TYMS: variants seen among roughly 807,000 people sequenced by gnomAD.
The protein encoded by TYMS is thymidylate synthetase, also known as thymidylate synthase.
Under a neutral mutation model 39.3 loss-of-function variants are expected in TYMS, and 21 were observed. The observed-to-expected ratio is 0.54, with a 90% confidence interval of 0.38 to 0.77. The LOEUF is 0.77. TYMS is among the 30% of genes least tolerant of loss of function. The pLI is 0.00. For synonymous variants in TYMS, 171 were observed against 162.2 expected (o/e 1.05, Z -0.41); for missense variants, 273 against 406.7 (o/e 0.67, Z 2.83).
At chr18:662,494 G>T (rs978540372) in intron 3 of TYMS, among the ~76,000 whole-genome samples, 174 bp downstream of exon 3, 1 of 140,122 alleles carries the variant, frequency 7.1e-6, no homozygotes, top group Non-Finnish European at 1.5e-5. Flanking sequence ...CATGAAGGCC[G>T]TTTCACACTC....
chr18:671,138 G>A, intron 5 of TYMS: 1 of 614,062 alleles, frequency 1.6e-6, no homozygotes. Flanking sequence ...TGGGTATGGT[G>A]GCTCATGCCT....
At chr18:672,232 C>G (rs1354993779) in intron 6 of TYMS, 2 of 152,166 alleles carry the variant, frequency 1.3e-5, no homozygotes, top group Non-Finnish European at 2.9e-5. Context: ...AGGAAAAAAA[C>G]TCAGAACCAG....
At chr18:661,329 T>C (rs1858189634) in intron 2 of TYMS, among the ~76,000 whole-genome samples, 1 of 152,242 alleles carries the variant, frequency 6.6e-6, no homozygotes, top group African/African-American at 2.4e-5. Flanking sequence ...AATGTCAGAC[T>C]CACCTTGATA....
Position 659,629 on chromosome 18 carries a change from A to G in TYMS, c.206-12A>G. On this transcript the variant is annotated splice_polypyrimidine_tract_variant and intron_variant, in intron 1 of 6. Coordinates refer to ENST00000323274, the MANE Select transcript of TYMS (RefSeq NM_001071.4). ...TTCCCATCTTGAAACCGTATGGCAA[A>G]TTGTTTTTCAGATGAATTCCCTCTG... 6.2e-7 allele frequency: 1 copy of G among 1,613,248 alleles called. No homozygotes were observed. The highest frequency in any genetic ancestry group is 8.5e-7 in the Non-Finnish European group (1 of 1,179,216).
chr18:661,543 G>A (rs1181697091), intron 2 of TYMS, among the ~76,000 whole-genome samples: 1 of 152,208 alleles, frequency 6.6e-6, no homozygotes, highest in Non-Finnish European at 1.5e-5. Flanking sequence ...CTGTCAGATC[G>A]GTGGAATACT....
chr18:669,174 G>A lies in TYMS; in HGVS notation c.556+1G>A, dbSNP rs2144335968. On this transcript the variant is annotated splice_donor_variant, in intron 4 of 6. Coordinates refer to ENST00000323274, the MANE Select transcript of TYMS (RefSeq NM_001071.4). LOFTEE classifies it high-confidence loss of function. ...ATCATGTGCGCTTGGAATCCAAGAG[G>A]TTGAAAGAACCCCGTCGTCTTCATT... 1 of 1,613,792 alleles carries A rather than the reference G, an allele frequency of 6.2e-7. No individual in the cohort carries two copies. Among genetic ancestry groups the A allele is most frequent in the African/African-American group, 1.3e-5 (1 of 75,010 alleles).
chr18:664,245 G>A (rs2074785043), intron 3 of TYMS, among the ~76,000 whole-genome samples: 2 of 151,790 alleles, frequency 1.3e-5, no homozygotes, highest in Admixed American at 1.3e-4. Context: ...CCCTTTTAAG[G>A]TGGATTCCTA....
At chr18:668,996 A>G in intron 3 of TYMS, 76 bp from the exon 4 acceptor site, 1 of 1,242,264 alleles carries the variant, frequency 8.0e-7, no homozygotes, top group Non-Finnish European at 1.2e-6. Flanking sequence ...AGACTGTAAT[A>G]GATGACCTCT....
At chr18:670,144 A>T (rs994722042) in intron 4 of TYMS, among the ~76,000 whole-genome samples, 5 of 151,460 alleles carry the variant, frequency 3.3e-5, no homozygotes, top group African/African-American at 1.2e-4. Flanking sequence ...CCCAGGTTCA[A>T]GTGAGTTCCC....
intron 4 of TYMS, chr18:669,418 G>A (rs2074939480): frequency 2.7e-6 from 1 of 375,882 alleles, no homozygotes; most frequent in East Asian, 4.4e-5. Context: ...TGTTGCCCAG[G>A]CTGGAATGCA....
At chr18:666,188 C>T (rs988478558) in intron 3 of TYMS, among the ~76,000 whole-genome samples, 1 of 150,218 alleles carries the variant, frequency 6.7e-6, no homozygotes, top group Admixed American at 6.6e-5. Context: ...ACTTACTGGG[C>T]GCTTGGCACT....
In TYMS at chr18:672,961, T is replaced by A. The variant is rs776689763; in HGVS notation, c.906T>A (p.Asn302Lys). The A allele has an allele frequency of 6.3e-7, 1 of 1,584,030 alleles. No individual in the cohort carries two copies. Among genetic ancestry groups the A allele is most frequent in the South Asian group, 1.1e-5 (1 of 87,822 alleles). ...KAEDFQIEGY[N>K]PHPTIKMEMA... ...AAGACTTTCAGATTGAAGGGTACAATCCGCATCCAACTATTAAAATGGAAA... is the reference window on the plus strand; with the variant it reads ...AAGACTTTCAGATTGAAGGGTACAAACCGCATCCAACTATTAAAATGGAAA... The change falls in exon 7 of 7, where the codon AAT becomes AAA. Residue 302 changes from asparagine to lysine, a missense_variant. This residue lies in a region of TYMS where 35 missense variants were observed against 42.4 expected (regional missense o/e 0.83). Transcript: ENST00000323274.
intron 4 of TYMS, chr18:669,555 A>T (rs1382974344): frequency 5.5e-6 from 1 of 182,250 alleles, no homozygotes; most frequent in East Asian, 1.4e-4. Context: ...TATTTTTAGT[A>T]GAGACGGGGT....
At position 671,399 on chromosome 18, in the gene TYMS, C is replaced by G; in HGVS notation, c.752C>G (p.Thr251Ser). The change falls in exon 6 of 7, where the codon ACT (threonine) becomes AGT (serine). Residue 251 changes from threonine to serine, a missense_variant. Physicochemically the swap from Thr to Ser is moderately conservative, Grantham distance 58 (BLOSUM62 1). Coordinates refer to ENST00000323274, the MANE Select transcript of TYMS (RefSeq NM_001071.4). ...TGLKPGDFIHTLGDAHIYLNH... is the reference protein window; with the variant it reads ...TGLKPGDFIHSLGDAHIYLNH... The stretch of plus-strand genomic sequence containing the variant: ...TTATAGCCAGGTGACTTTATACACA[C>G]TTTGGGAGATGCACATATTTACCTG... The G allele has an allele frequency of 6.2e-7, 1 of 1,612,568 alleles. No homozygotes were observed. Among genetic ancestry groups the G allele is most frequent in the Non-Finnish European group, 8.5e-7 (1 of 1,178,734 alleles).
intron 6 of TYMS, 61 bp from the exon 7 acceptor site, chr18:672,799 G>A: frequency 6.6e-7 from 1 of 1,504,308 alleles, no homozygotes; most frequent in South Asian, 1.3e-5. Flanking sequence ...TCACGGACAT[G>A]AGGAGCAATT....
chr18:667,382 T>A (rs371482224), intron 3 of TYMS, among the ~76,000 whole-genome samples: 12 of 20,258 alleles, frequency 5.9e-4, no homozygotes, highest in Admixed American at 9.1e-4. Flanking sequence ...ATGGTGATGG[T>A]GATGGTGATG....
intron 5 of TYMS, chr18:671,156 C>T (rs1329035362): frequency 1.1e-5 from 7 of 614,038 alleles, no homozygotes; most frequent in Non-Finnish European, 2.0e-5. Flanking sequence ...CCTGTAATCC[C>T]AGCACTTTGG....
At chr18:662,522 T>TTTA (rs1567987545) in intron 3 of TYMS, among the ~76,000 whole-genome samples, 2 of 146,110 alleles carry the variant, frequency 1.4e-5, no homozygotes, top group South Asian at 2.1e-4. Flanking sequence ...TTTTTTTTTT[T>TTTA]AATTATTATA....
chr18:661,460 A>G (rs2074754724), intron 2 of TYMS, among the ~76,000 whole-genome samples: 2 of 152,268 alleles, frequency 1.3e-5, no homozygotes, highest in African/African-American at 4.8e-5. Context: ...TACATTGAAC[A>G]GATTGCATGT....
Sources: allele counts gnomAD v4.1 joint callset (sites outside exome capture counted in the v4.1 genomes callset), GRCh38; gene constraint gnomAD v4.1.1; regional missense constraint gnomAD v4.1.1; transcripts MANE v1.5; gene names NCBI Gene and HGNC (gene_info 2026-07-23, HGNC 2026-07-21).